Variants in NLGN1 observed in about 807,000 individuals in gnomAD.
NLGN1 encodes neuroligin 1, also known as neuroligin-1.
A neutral mutation model predicts 65.5 loss-of-function variants in NLGN1; 12 were observed. The ratio of observed to expected loss-of-function variants is 0.18; its 90% CI spans 0.12 to 0.30. NLGN1 has a LOEUF of 0.30. Among genes scored for constraint, NLGN1 ranks in the 10% least tolerant of loss-of-function variants. The probability of loss-of-function intolerance (pLI) is 1.00; values close to 1 mark genes in which losing one functional copy is unlikely to be tolerated. For missense variants in NLGN1, 750 were observed against 1,007.1 expected, an observed-to-expected ratio of 0.74 and a Z score of 3.46; for synonymous variants, 350 against 359.5, an observed-to-expected ratio of 0.97 and a Z score of 0.30.
intron 4 of NLGN1, among the ~76,000 whole-genome samples, chr3:173,969,206 T>C (rs1365771640): frequency 6.6e-6 from 1 of 152,130 alleles, no homozygotes; most frequent in Non-Finnish European, 1.5e-5. Context: ...AAATAAATTA[T>C]AAGGTGTTTT....
At chr3:174,194,862 C>CTTTTTTTT (rs371935591) in intron 4 of NLGN1, among the ~76,000 whole-genome samples, 44 of 127,582 alleles carry the variant, frequency 3.4e-4, no homozygotes, top group East Asian at 6.6e-4. Context: ...TTTCTTTTTT[C>CTTTTTTTT]TTTTTTCTTT....
intron 2 of NLGN1, among the ~76,000 whole-genome samples, chr3:173,449,945 C>G (rs1411439944): frequency 6.6e-6 from 1 of 152,122 alleles, no homozygotes; most frequent in Non-Finnish European, 1.5e-5. Flanking sequence ...TTATTTTGAG[C>G]CTGTGTGTGT....
chr3:174,200,895 G>C (rs1026076945), intron 4 of NLGN1, among the ~76,000 whole-genome samples: 2 of 152,014 alleles, frequency 1.3e-5, no homozygotes, highest in Non-Finnish European at 2.9e-5. Context: ...TCTGATCCTA[G>C]AGCAGTAGTG....
chr3:173,945,707 C>T (rs1747015940), intron 4 of NLGN1, among the ~76,000 whole-genome samples: 1 of 151,856 alleles, frequency 6.6e-6, no homozygotes, highest in Non-Finnish European at 1.5e-5. Context: ...TACTTTTTTC[C>T]CCACTCGCAT....
At chr3:173,446,293 C>G (rs1720298105) in intron 2 of NLGN1, among the ~76,000 whole-genome samples, 1 of 151,828 alleles carries the variant, frequency 6.6e-6, no homozygotes, top group Admixed American at 6.6e-5. Context: ...CAATTCCCAC[C>G]TATGAGTGAG....
chr3:173,937,610 A>G (rs1460432784), intron 4 of NLGN1, among the ~76,000 whole-genome samples: 2 of 152,112 alleles, frequency 1.3e-5, no homozygotes, highest in East Asian at 3.9e-4. Context: ...GAAAACATAT[A>G]ATCTGCAGCT....
At chr3:173,560,812 A>G (rs1159412265) in intron 2 of NLGN1, among the ~76,000 whole-genome samples, 3 of 152,166 alleles carry the variant, frequency 2.0e-5, no homozygotes, top group Non-Finnish European at 4.4e-5. Flanking sequence ...CCTTTTTGAG[A>G]TAGTTCAGTA....
chr3:173,616,376 G>A (rs1405405590), intron 3 of NLGN1, among the ~76,000 whole-genome samples: 2 of 151,960 alleles, frequency 1.3e-5, no homozygotes, highest in Non-Finnish European at 2.9e-5. Context: ...CTTGAGACAC[G>A]CAAACAAACA....
At chr3:173,817,232 G>T (rs1283696250) in intron 4 of NLGN1, among the ~76,000 whole-genome samples, 3 of 152,182 alleles carry the variant, frequency 2.0e-5, no homozygotes, top group African/African-American at 7.2e-5. Flanking sequence ...GTTAAATAAG[G>T]TTAAAAACAT....
At chr3:174,211,458 C>T (rs867670842) in intron 4 of NLGN1, among the ~76,000 whole-genome samples, 7 of 151,838 alleles carry the variant, frequency 4.6e-5, no homozygotes, top group East Asian at 2.0e-4. Context: ...TACAGAGTGT[C>T]GGTTGTTGCA....
chr3:174,020,112 C>T (rs1226874325), intron 4 of NLGN1, among the ~76,000 whole-genome samples: 1 of 152,070 alleles, frequency 6.6e-6, no homozygotes, highest in East Asian at 1.9e-4. Context: ...ACTTGTGTAA[C>T]ATAAATTTGT....
chr3:173,916,330 A>G (rs1325122800), intron 4 of NLGN1, among the ~76,000 whole-genome samples: 1 of 152,156 alleles, frequency 6.6e-6, no homozygotes, highest in African/African-American at 2.4e-5. Flanking sequence ...AACATTATCT[A>G]TGGCATACTA....
intron 4 of NLGN1, among the ~76,000 whole-genome samples, chr3:174,164,760 T>C (rs1337633676): frequency 6.6e-6 from 1 of 152,076 alleles, no homozygotes; most frequent in African/African-American, 2.4e-5. Flanking sequence ...TTGGTTACTG[T>C]AGGCTTATAG....
intron 3 of NLGN1, among the ~76,000 whole-genome samples, chr3:173,723,743 T>A (rs1185044664): frequency 1.3e-5 from 2 of 152,122 alleles, no homozygotes; most frequent in Non-Finnish European, 2.9e-5. Flanking sequence ...AGAGAAGAAG[T>A]CATGATTTAC....
At chr3:174,215,896 C>T (rs914492961) in intron 4 of NLGN1, among the ~76,000 whole-genome samples, 30 of 152,134 alleles carry the variant, frequency 2.0e-4, no homozygotes, top group African/African-American at 7.2e-4. Context: ...CAACCTTCCT[C>T]TCTCCATTCC....
intron 1 of NLGN1, among the ~76,000 whole-genome samples, chr3:173,425,115 C>T (rs894474687): frequency 2.0e-5 from 3 of 151,996 alleles, no homozygotes; most frequent in Admixed American, 6.6e-5. Flanking sequence ...GAGAGAAGAG[C>T]GAGGAAGTGC....
intron 4 of NLGN1, among the ~76,000 whole-genome samples, chr3:174,204,134 A>T (rs190091669): frequency 6.4e-4 from 98 of 152,220 alleles, no homozygotes; most frequent in African/African-American, 2.2e-3. Flanking sequence ...TTTTTCTCCA[A>T]ATCTTTTTCT....
chr3:174,085,916 A>T (rs569285786), intron 4 of NLGN1, among the ~76,000 whole-genome samples: 1 of 152,028 alleles, frequency 6.6e-6, no homozygotes, highest in Non-Finnish European at 1.5e-5. Context: ...AGCTTCTATC[A>T]TGGTCAAGAA....
chr3:174,249,134 G>T (rs1744323262), intron 4 of NLGN1, among the ~76,000 whole-genome samples: 1 of 152,176 alleles, frequency 6.6e-6, no homozygotes, highest in African/African-American at 2.4e-5. Context: ...GTCCTATTTT[G>T]TAGATATTAA....
Sources: gnomAD v4.1 joint callset for allele counts (sites outside exome capture counted in the v4.1 genomes callset) on GRCh38, gnomAD v4.1.1 for gene constraint, MANE v1.5 for transcripts, NCBI Gene and HGNC (gene_info 2026-07-23, HGNC 2026-07-21) for gene names.